Variants in RYR3 observed in about 807,000 individuals in gnomAD.
RYR3 encodes the protein brain ryanodine receptor-calcium release channel.
Under a neutral mutation model 584.3 loss-of-function variants are expected in RYR3, and 207 were observed. The ratio of observed to expected loss-of-function variants is 0.35; its 90% CI spans 0.32 to 0.40. The LOEUF is 0.40. RYR3 is among the 10% of genes least tolerant of loss of function. RYR3 has a pLI of 1.00. For missense variants in RYR3, 5,616 were observed against 6,089.2 expected (o/e 0.92, Z 2.59); for synonymous variants, 2,416 against 2,248.5 (o/e 1.07, Z -2.11).
In RYR3 at chr15:33,772,094, G is replaced by A. The variant is rs2073618869; in HGVS notation, c.8991G>A (p.Leu2997=). ...ATATTAACTACACTACAGTGGCTCT[G>A]CTCCCCATCCTGACGTCCATCTTTG... ...SQNINYTTVA[L]LPILTSIFEH... Residue 2997 remains leucine (L), a synonymous_variant, in exon 63 of 104, where the codon CTG becomes CTA. Coordinates refer to ENST00000634891, the MANE Select transcript of RYR3 (RefSeq NM_001036.6). 1 of 1,613,756 alleles carries A rather than the reference G, an allele frequency of 6.2e-7. No homozygotes were observed. Among genetic ancestry groups the A allele is most frequent in the Non-Finnish European group, 8.5e-7 (1 of 1,179,816 alleles).
intron 48 of RYR3, among the ~76,000 whole-genome samples, chr15:33,735,265 T>C (rs74005977): frequency 1.5e-3 from 236 of 152,338 alleles, no homozygotes; most frequent in African/African-American, 5.5e-3. Flanking sequence ...AACTATTGGA[T>C]TCTGAGACAA....
intron 19 of RYR3, among the ~76,000 whole-genome samples, chr15:33,618,602 G>C (rs1478279238): frequency 6.6e-6 from 1 of 152,204 alleles, no homozygotes; most frequent in Non-Finnish European, 1.5e-5. Context: ...GTCAAATTCA[G>C]GTCAGCAAAA....
At chr15:33,372,149 C>T (rs2040377265) in intron 1 of RYR3, among the ~76,000 whole-genome samples, 2 of 152,018 alleles carry the variant, frequency 1.3e-5, no homozygotes, top group African/African-American at 4.8e-5. Flanking sequence ...ATTACTATTC[C>T]CAATTTATAG....
At chr15:33,783,441 C>G (rs912790278) in intron 65 of RYR3, among the ~76,000 whole-genome samples, 10 of 152,164 alleles carry the variant, frequency 6.6e-5, no homozygotes, top group African/African-American at 2.4e-4. Context: ...ATTTGAAATA[C>G]AAAACACCCT....
At chr15:33,582,415 G>A (rs75559325) in intron 14 of RYR3, among the ~76,000 whole-genome samples, 1,914 of 152,258 alleles carry the variant, frequency 0.013, 41 homozygotes, top group African/African-American at 0.043. Context: ...CCCAGCTTAG[G>A]GTTGAGGCTG....
At chr15:33,855,463 C>T (rs906945888) in intron 98 of RYR3, among the ~76,000 whole-genome samples, 31 of 152,192 alleles carry the variant, frequency 2.0e-4, no homozygotes, top group Non-Finnish European at 3.1e-4. Context: ...CTCGGCCTCC[C>T]GAAGTGCTGG....
chr15:33,486,569 A>G (rs1432579630), intron 2 of RYR3, among the ~76,000 whole-genome samples: 1 of 152,188 alleles, frequency 6.6e-6, no homozygotes, highest in Non-Finnish European at 1.5e-5. Flanking sequence ...ATATATCAGT[A>G]TGAATGTTCA....
In RYR3 at chr15:33,379,700, T is replaced by C. The variant is rs1012064872; in HGVS notation, c.51+68604T>C. 2.8e-4 allele frequency among the ~76,000 whole-genome samples: 42 copies of C among 150,066 alleles called. 1 individual carries two copies. The highest frequency in any genetic ancestry group is 1.0e-3 in the African/African-American group (41 of 40,302). ...CTCTCTCTCTCTCTATATATATATA[T>C]ATATATATGAATTTGTTAGAGAGAA... On this transcript the variant is annotated intron_variant, in intron 1 of 103. Coordinates refer to ENST00000634891, the MANE Select transcript of RYR3 (RefSeq NM_001036.6).
intron 18 of RYR3, among the ~76,000 whole-genome samples, chr15:33,612,850 T>C (rs1194572002): frequency 1.3e-5 from 2 of 152,230 alleles, no homozygotes; most frequent in African/African-American, 2.4e-5. Context: ...GCAGTCTGTC[T>C]GTTACTTCAG....
intron 1 of RYR3, among the ~76,000 whole-genome samples, chr15:33,460,425 T>C (rs928023206): frequency 6.6e-6 from 1 of 152,206 alleles, no homozygotes; most frequent in African/African-American, 2.4e-5. Flanking sequence ...CAAAAGAGCC[T>C]TGTGTAAATT....
chr15:33,819,884 A>G, intron 77 of RYR3, 77 bp downstream of exon 77: 3 of 1,124,230 alleles, frequency 2.7e-6, no homozygotes, highest in South Asian at 3.0e-5. Flanking sequence ...GAAAATTGTC[A>G]TGTTGAATAG....
At chr15:33,444,457 C>T (rs533634758) in intron 1 of RYR3, among the ~76,000 whole-genome samples, 60 of 152,124 alleles carry the variant, frequency 3.9e-4, no homozygotes, top group Non-Finnish European at 7.6e-4. Context: ...CAGTGGCTAT[C>T]GACTGAGTAC....
intron 36 of RYR3, among the ~76,000 whole-genome samples, chr15:33,665,311 T>A (rs2063436203): frequency 6.6e-6 from 1 of 152,222 alleles, no homozygotes; most frequent in Non-Finnish European, 1.5e-5. Flanking sequence ...AAAATGTGGA[T>A]AATTTTTGCA....
At chr15:33,556,405 T>G (rs7162590) in intron 10 of RYR3, among the ~76,000 whole-genome samples, 106,179 of 152,084 alleles carry the variant, frequency 0.7, 39,091 homozygotes, top group Middle Eastern at 0.85. Flanking sequence ...TTACTTACAC[T>G]AGCTTTTCCC....
At chr15:33,500,265 C>T (rs751587054) in intron 2 of RYR3, among the ~76,000 whole-genome samples, 1 of 152,174 alleles carries the variant, frequency 6.6e-6, no homozygotes, top group African/African-American at 2.4e-5. Context: ...AATTAACTCC[C>T]TACCTCATTT....
At chr15:33,342,590 A>G (rs116925206) in intron 1 of RYR3, among the ~76,000 whole-genome samples, 51 of 144,814 alleles carry the variant, frequency 3.5e-4, no homozygotes, top group Non-Finnish European at 6.3e-4. Flanking sequence ...CACGTATATA[A>G]TATTATCCAA....
intron 86 of RYR3, 82 bp downstream of exon 86, chr15:33,831,173 G>T: frequency 7.3e-7 from 1 of 1,370,676 alleles, no homozygotes; most frequent in Non-Finnish European, 1.0e-6. Flanking sequence ...CAGAATACTT[G>T]ATTGTACACA....
rs34728878 is a variant in RYR3 at position 33,865,637 on chromosome 15, AACTC to A, written c.*416_*419del. 0.69 allele frequency: 108,702 copies of A among 157,278 alleles called. 38,181 individuals are homozygous for A. Among genetic ancestry groups the A allele is most frequent in the Admixed American group, 0.76 (12,297 of 16,266 alleles). 9.7% of individuals were successfully genotyped at this position (157,278 alleles called of 1,614,324 possible). A position where few individuals can be genotyped will look rare whatever the true frequency, so the allele number is the denominator to read the frequency against. On this transcript the variant is annotated 3_prime_UTR_variant, in exon 104 of 104. Coordinates refer to ENST00000634891, the MANE Select transcript of RYR3 (RefSeq NM_001036.6). ...TCCAACTTGTGACTCATAGGGTCTGAACTCACTCCAAAAGATAATAACTGCAGTC... is the reference window on the plus strand; with the variant it reads ...TCCAACTTGTGACTCATAGGGTCTGAACTCCAAAAGATAATAACTGCAGTC...
intron 43 of RYR3, among the ~76,000 whole-genome samples, chr15:33,708,079 C>T (rs953416702): frequency 6.6e-6 from 1 of 152,188 alleles, no homozygotes; most frequent in African/African-American, 2.4e-5. Flanking sequence ...GTATTCATCA[C>T]TGCATCCTTC....
Sources: gnomAD v4.1 joint callset for allele counts (sites outside exome capture counted in the v4.1 genomes callset) on GRCh38, gnomAD v4.1.1 for gene constraint, MANE v1.5 for transcripts, NCBI Gene and HGNC (gene_info 2026-07-23, HGNC 2026-07-21) for gene names.